Variants in ABCC8 observed in about 807,000 individuals in gnomAD.
ABCC8 encodes the protein ATP-binding cassette sub-family C member 8.
In ABCC8, 137 loss-of-function variants were observed where a neutral mutation model predicts 188.0. That is an observed-to-expected ratio of 0.73 (90% CI 0.63 to 0.84). ABCC8 has a LOEUF of 0.84. Ranked by LOEUF, ABCC8 falls within the 40% of genes least tolerant of loss-of-function variation. The pLI is 0.00. For synonymous variants in ABCC8, 797 were observed against 846.5 expected, an observed-to-expected ratio of 0.94 and a Z score of 1.01; for missense variants, 1,750 against 2,072.7, an observed-to-expected ratio of 0.84 and a Z score of 3.02.
intron 7 of ABCC8, among the ~76,000 whole-genome samples, chr11:17,450,685 CTTTTTT>C (rs71047553): frequency 5.2e-5 from 4 of 76,728 alleles, no homozygotes; most frequent in African/African-American, 1.2e-4. Flanking sequence ...GCATGAGCCA[CTTTTTT>C]TTTTTTTTTT....
chr11:17,400,347 G>C (rs1429517203), intron 29 of ABCC8, among the ~76,000 whole-genome samples: 1 of 152,168 alleles, frequency 6.6e-6, no homozygotes, highest in Non-Finnish European at 1.5e-5. Flanking sequence ...CGTGTTATAG[G>C]AGTGTGAGGC....
In ABCC8 at chr11:17,395,725, G is replaced by A. The variant is rs1335193075; in HGVS notation, c.4199-7C>T. On this transcript the variant is annotated splice_polypyrimidine_tract_variant and splice_region_variant and intron_variant, in intron 34 of 38. Coordinates refer to ENST00000389817, the MANE Select transcript of ABCC8 (RefSeq NM_000352.6). ...CCATCAATGATGATGTGCCCTGCAT[G>A]GGTCCCAGTGAGGGTGCAGGGGAAG... 5 of 1,553,100 alleles carry A rather than the reference G, an allele frequency of 3.2e-6. No homozygotes were observed. The African/African-American group carries it at 4.1e-5, about 13-fold the overall frequency.
intron 10 of ABCC8, chr11:17,435,902 C>A: frequency 7.3e-7 from 1 of 1,361,450 alleles, no homozygotes; most frequent in Non-Finnish European, 1.1e-6. Flanking sequence ...TCAAAGTTCC[C>A]AGGGAGTAAC....
intron 7 of ABCC8, among the ~76,000 whole-genome samples, chr11:17,451,235 T>A (rs1384225314): frequency 3.9e-5 from 6 of 152,238 alleles, no homozygotes; most frequent in Non-Finnish European, 8.8e-5. Flanking sequence ...CAAGTCTGCC[T>A]GTCACTGGAG....
At chr11:17,444,921 C>A (rs558687171) in intron 8 of ABCC8, among the ~76,000 whole-genome samples, 1 of 152,202 alleles carries the variant, frequency 6.6e-6, no homozygotes, top group Non-Finnish European at 1.5e-5. Context: ...TTAAATGAAC[C>A]TTTATGATAA....
At chr11:17,405,803 T>C (rs1298569036) in intron 26 of ABCC8, among the ~76,000 whole-genome samples, 1 of 152,166 alleles carries the variant, frequency 6.6e-6, no homozygotes, top group Non-Finnish European at 1.5e-5. Flanking sequence ...GCCGCCTTTC[T>C]CAGCTGCCGG....
intron 6 of ABCC8, among the ~76,000 whole-genome samples, chr11:17,456,365 T>C (rs1956996197): frequency 6.7e-6 from 1 of 150,220 alleles, no homozygotes; most frequent in African/African-American, 2.5e-5. Context: ...AATAAATGAG[T>C]TAGCTGCAGA....
Position 17,427,081 on chromosome 11 carries a change from C to T in ABCC8, c.2190G>A (p.Met730Ile). ...AGAAGACAGCCCCTGAGACCTTCTG[C>T]ATCTCCCCCAGTGCGGCTAGAAGGA... ...SSLLLAALGEMQKVSGAVFWS... is the reference protein window; with the variant it reads ...SSLLLAALGEIQKVSGAVFWS... The change falls in exon 16 of 39, where the codon ATG (methionine) becomes ATA (isoleucine). Residue 730 changes from methionine to isoleucine, a missense_variant. Coordinates refer to ENST00000389817, the MANE Select transcript of ABCC8 (RefSeq NM_000352.6). This position sits in a 1 kb window ranked among gnomAD's most constrained non-coding sequence, Gnocchi z 5.0. The T allele has an allele frequency of 6.2e-7, 1 of 1,613,980 alleles. No homozygotes were observed. Among genetic ancestry groups the T allele is most frequent in the Non-Finnish European group, 8.5e-7 (1 of 1,179,956 alleles).
In ABCC8 at chr11:17,453,391, T is replaced by C. The variant is rs181101636; in HGVS notation, c.1012-108A>G. ...CACGGCCATCATTATTACAAGACCC[T>C]CTGGGCTTGCAAAGGCTTGTGCAAT... On this transcript the variant is annotated intron_variant, in intron 6 of 38. Coordinates refer to ENST00000389817, the MANE Select transcript of ABCC8 (RefSeq NM_000352.6). 2,152 of 1,472,988 alleles carry C rather than the reference T, an allele frequency of 1.5e-3. 24 individuals carry two copies. The African/African-American group carries it at 0.027, about 18-fold the overall frequency. 91.2% of individuals were successfully genotyped at this position (1,472,988 alleles called of 1,614,324 possible).
At chr11:17,412,963 G>T in intron 20 of ABCC8, 1 of 1,016,950 alleles carries the variant, frequency 9.8e-7, no homozygotes, top group Non-Finnish European at 1.4e-6. Context: ...TCATTGTGTA[G>T]GCGCTAGGGA....
chr11:17,412,257 A>C (rs991452856), intron 21 of ABCC8, among the ~76,000 whole-genome samples: 2 of 152,194 alleles, frequency 1.3e-5, no homozygotes, highest in African/African-American at 4.8e-5. Context: ...GATTCTGAGG[A>C]TGAGTTAAGT....
At position 17,475,921 on chromosome 11, in the gene ABCC8, C is replaced by A. The variant is rs970870061; in HGVS notation, c.148+708G>T. ...GGGGACCTCAGTGGAGAGGCACGCA[C>A]GATTGTCCCGGCCGTGGCGCCCAAC... On this transcript the variant is annotated intron_variant, in intron 1 of 38. Coordinates refer to ENST00000389817, the MANE Select transcript of ABCC8 (RefSeq NM_000352.6). Among the ~76,000 whole-genome samples, 3 of 152,236 alleles carry A rather than the reference C, an allele frequency of 2.0e-5. 1 individual carries two copies.
chr11:17,475,030 G>A lies in ABCC8; in HGVS notation c.149-3C>T. On this transcript the variant is annotated splice_region_variant and splice_polypyrimidine_tract_variant and intron_variant, in intron 1 of 38. Transcript: ENST00000389817. ...CTTGGAGCTCTGACTTCCCCATCCT[G>A]CAGGGAGAGACAGTCAGAGGCAGGA... is the stretch of plus-strand genomic sequence containing the variant. 2.5e-6 allele frequency: 4 copies of A among 1,614,134 alleles called. No individual in the cohort carries two copies. Among genetic ancestry groups the A allele is most frequent in the Non-Finnish European group, 2.5e-6 (3 of 1,180,006 alleles).
chr11:17,418,629 T>C (rs748941088), intron 16 of ABCC8, among the ~76,000 whole-genome samples: 1 of 152,106 alleles, frequency 6.6e-6, no homozygotes, highest in Non-Finnish European at 1.5e-5. Flanking sequence ...GCAGAGGTGG[T>C]TATTGATGCA....
At chr11:17,475,581 C>A (rs1377067241) in intron 1 of ABCC8, among the ~76,000 whole-genome samples, 1 of 152,094 alleles carries the variant, frequency 6.6e-6, no homozygotes, top group East Asian at 1.9e-4. Flanking sequence ...GTTAATAAAC[C>A]GTTTGGCTGA....
intron 3 of ABCC8, among the ~76,000 whole-genome samples, chr11:17,468,891 C>G (rs1287825909): frequency 6.6e-6 from 1 of 152,152 alleles, no homozygotes; most frequent in Non-Finnish European, 1.5e-5. Context: ...CCTGTTGCTT[C>G]TGCCTGGGAC....
chr11:17,408,952 CT>C (rs376681171), intron 22 of ABCC8, among the ~76,000 whole-genome samples: 2,223 of 125,742 alleles, frequency 0.018, 12 homozygotes, highest in African/African-American at 0.044. Context: ...ATCAATAAAT[CT>C]TTTTTTTTTT....
intron 8 of ABCC8, among the ~76,000 whole-genome samples, chr11:17,447,924 T>C (rs537279909): frequency 6.6e-6 from 1 of 152,328 alleles, no homozygotes; most frequent in Admixed American, 6.5e-5. Context: ...TTCTTTTTCA[T>C]GTGTGAATCT....
intron 21 of ABCC8, 79 bp downstream of exon 21, chr11:17,412,587 G>T (rs77655678): frequency 1.3e-6 from 2 of 1,513,900 alleles, no homozygotes; most frequent in Non-Finnish European, 1.8e-6. Context: ...GATGATGGTG[G>T]GGTTGCGGGG....
Sources: allele counts gnomAD v4.1 joint callset (sites outside exome capture counted in the v4.1 genomes callset), GRCh38; gene constraint gnomAD v4.1.1; non-coding constraint Gnocchi (gnomAD v3.1); transcripts MANE v1.5; gene names NCBI Gene and HGNC (gene_info 2026-07-23, HGNC 2026-07-21).